Variants in TMEM18 observed in about 807,000 individuals in gnomAD.
The protein encoded by TMEM18 is transmembrane protein 18.
TMEM18 carries 14 observed loss-of-function variants against 17.4 expected under a neutral mutation model. That is an observed-to-expected ratio of 0.80 (90% CI 0.53 to 1.25). TMEM18 has a LOEUF of 1.25. Ranked by LOEUF, TMEM18 falls within the 50% of genes most tolerant of loss-of-function variation. The probability of loss-of-function intolerance (pLI) is 0.00; values close to 1 mark genes in which losing one functional copy is unlikely to be tolerated. For synonymous variants in TMEM18, 86 were observed against 66.1 expected (o/e 1.30, Z -1.46); for missense variants, 187 against 172.1 (o/e 1.09, Z -0.48).
At chr2:676,700 C>T (rs1225703202) in intron 1 of TMEM18, 1 of 1,487,100 alleles carries the variant, frequency 6.7e-7, no homozygotes. Context: ...ACGAACCCGG[C>T]ACGGCGCACG....
chr2:676,752 C>T (rs1415784524), intron 1 of TMEM18: 5 of 1,044,754 alleles, frequency 4.8e-6, no homozygotes, highest in Admixed American at 2.4e-5. Context: ...CCACCCCACA[C>T]GATCAGGCTC....
At chr2:673,132 C>T (rs1452954271) in intron 2 of TMEM18, among the ~76,000 whole-genome samples, 1 of 152,180 alleles carries the variant, frequency 6.6e-6, no homozygotes, top group Non-Finnish European at 1.5e-5. Flanking sequence ...CTGCAGGAGC[C>T]GCCCGAGGCC....
In TMEM18 at chr2:666,029, C is replaced by T. The variant is rs1257653707; in HGVS notation, c.*3551G>A. Among the ~76,000 whole-genome samples the T allele has an allele frequency of 1.3e-5, 2 of 152,076 alleles. No individual in the cohort carries two copies. The highest frequency in any genetic ancestry group is 2.9e-5 in the Non-Finnish European group (2 of 68,008). On this transcript the variant is annotated 3_prime_UTR_variant, in exon 5 of 5. Coordinates refer to ENST00000281017, the MANE Select transcript of TMEM18 (RefSeq NM_152834.4). ...ACAACAGAACCCCGAGATGCAGATG[C>T]TCAGCTCACTGAGATGGAGCATCAA... is the stretch of plus-strand genomic sequence containing the variant.
Position 667,021 on chromosome 2 carries a change from T to TC in TMEM18, c.*2558_*2559insG, listed in dbSNP as rs1187596198. ...TGAATTCCACCCCCAGCCCTTTTTT[T>TC]TTTTTTTTAACATTTATTATTTTGT... On this transcript the variant is annotated 3_prime_UTR_variant, in exon 5 of 5. Transcript: ENST00000281017. Among the ~76,000 whole-genome samples, 2 of 151,618 alleles carry TC rather than the reference T, an allele frequency of 1.3e-5. No individual in the cohort carries two copies. Among genetic ancestry groups the TC allele is most frequent in the Admixed American group, 6.6e-5 (1 of 15,220 alleles).
intron 3 of TMEM18, among the ~76,000 whole-genome samples, chr2:672,470 G>A (rs1271453808): frequency 6.6e-6 from 1 of 152,188 alleles, no homozygotes; most frequent in Admixed American, 6.5e-5. Flanking sequence ...TGCAGTCCAA[G>A]GGGGAGGGCA....
chr2:677,078 G>A, intron 1 of TMEM18: 1 of 466,804 alleles, frequency 2.1e-6, no homozygotes, highest in Non-Finnish European at 3.6e-6. Flanking sequence ...CCTCCCACAG[G>A]GCCCAGGACC....
At chr2:675,712 C>A (rs1240529579) in intron 1 of TMEM18, 82 bp from the exon 2 acceptor site, 1 of 1,567,260 alleles carries the variant, frequency 6.4e-7, no homozygotes, top group Admixed American at 1.9e-5. Context: ...TCTCCCAGCG[C>A]AGGAGGCAGG....
intron 1 of TMEM18, chr2:676,033 G>A: frequency 4.6e-6 from 6 of 1,313,956 alleles, no homozygotes; most frequent in Non-Finnish European, 6.0e-6. Context: ...TAAGACGATT[G>A]CTCAAAGAGA....
At chr2:675,079 T>G (rs1012133111) in intron 2 of TMEM18, among the ~76,000 whole-genome samples, 3 of 152,264 alleles carry the variant, frequency 2.0e-5, no homozygotes, top group Admixed American at 6.5e-5. Flanking sequence ...CCCTAACTTC[T>G]CTAAGTTCTG....
rs972640881 is a variant in TMEM18, at chr2:666,574, C to T, written c.*3006G>A. 2.6e-5 allele frequency among the ~76,000 whole-genome samples: 4 copies of T among 152,180 alleles called. No homozygotes were observed. Among genetic ancestry groups the T allele is most frequent in the African/African-American group, 9.7e-5 (4 of 41,434 alleles). ...GCCACCAACGCATGGCACCCACAGC[C>T]TGCGTGGGCCTCGCCGCCCCATCCT... On this transcript the variant is annotated 3_prime_UTR_variant, in exon 5 of 5. Coordinates refer to ENST00000281017, the MANE Select transcript of TMEM18 (RefSeq NM_152834.4).
intron 1 of TMEM18, chr2:676,912 T>C (rs1247019734): frequency 7.8e-6 from 4 of 513,112 alleles, no homozygotes; most frequent in South Asian, 5.5e-5. Context: ...GCCCGCACGG[T>C]GCAGGACGCC....
Position 669,595 on chromosome 2 carries a change from TCTC to T in TMEM18, c.405_407del (p.Arg137del). 1 of 1,614,210 alleles carries T rather than the reference TCTC, an allele frequency of 6.2e-7. No homozygotes were observed. Among genetic ancestry groups the T allele is most frequent in the Non-Finnish European group, 8.5e-7 (1 of 1,180,028 alleles). ...CTGCTGCCCCTCAGTCTTCTTTCCT[TCTC>T]CTTTTCTTTTCCTTTCTTCTCTCTT... On this transcript the variant is annotated inframe_deletion, in exon 5 of 5. Transcript: ENST00000281017.
chr2:673,142 C>T (rs556559266), intron 2 of TMEM18, among the ~76,000 whole-genome samples: 9 of 152,284 alleles, frequency 5.9e-5, no homozygotes, highest in Admixed American at 2.6e-4. Flanking sequence ...CGCCCGAGGC[C>T]CCAGGCTTCA....
At position 665,068 on chromosome 2, in the gene TMEM18, A is replaced by C. The variant is rs1678643962; in HGVS notation, c.*4512T>G. 6.6e-6 allele frequency among the ~76,000 whole-genome samples: 1 copy of C among 152,246 alleles called. No homozygotes were observed. The highest frequency in any genetic ancestry group is 2.4e-5 in the African/African-American group (1 of 41,456). Reference sequence around the variant, plus strand: ...ATCCAATGTTATATAAGAAATAACCAAACATGGGTAAGGCAGAGGAAAGAC... The same window carrying C: ...ATCCAATGTTATATAAGAAATAACCCAACATGGGTAAGGCAGAGGAAAGAC... On this transcript the variant is annotated 3_prime_UTR_variant, in exon 5 of 5. Transcript: ENST00000281017.
At chr2:675,676 C>T (rs930457975) in intron 1 of TMEM18, 46 bp from the exon 2 acceptor site, 2 of 1,606,484 alleles carry the variant, frequency 1.2e-6, no homozygotes, top group South Asian at 1.1e-5. Flanking sequence ...CCACTCAAGG[C>T]CGGGTTCACG....
In TMEM18 at chr2:677,329, G is replaced by A; in HGVS notation, c.17C>T (p.Ser6Phe). MPSAF[S>F]VSSFPVSIPA... ...GATGCTGACGGGGAAAGAGCTGACA[G>A]AGAAGGCGGACGGCATGGTGTTGGG... The change falls in exon 1 of 5, where the codon TCT becomes TTT. Residue 6 changes from serine to phenylalanine, a missense_variant. By Grantham distance (155) the Ser-to-Phe change is radical. Coordinates refer to ENST00000281017, the MANE Select transcript of TMEM18 (RefSeq NM_152834.4). 1 of 1,612,490 alleles carries A rather than the reference G, an allele frequency of 6.2e-7. No homozygotes were observed. The highest frequency in any genetic ancestry group is 1.3e-5 in the African/African-American group (1 of 75,078).
intron 1 of TMEM18, chr2:675,988 T>C (rs1572414260): frequency 7.6e-7 from 1 of 1,308,686 alleles, no homozygotes; most frequent in South Asian, 1.3e-5. Flanking sequence ...TTTACGATGA[T>C]AATTGGTTAT....
intron 2 of TMEM18, among the ~76,000 whole-genome samples, chr2:674,657 T>G (rs920167870): frequency 2.6e-5 from 4 of 152,218 alleles, no homozygotes; most frequent in Admixed American, 2.6e-4. Context: ...TCATCACTTC[T>G]CCAGTCTTTC....
rs1363547962 is a variant in TMEM18, at chr2:669,049, ACC to A, written c.*529_*530del. ...CCAGGCACACAGGATTTTATGCATC[ACC>A]CCGGGCTCCACAGGAGAAGCCAGGA... is the stretch of plus-strand genomic sequence containing the variant. On this transcript the variant is annotated 3_prime_UTR_variant, in exon 5 of 5. Coordinates refer to ENST00000281017, the MANE Select transcript of TMEM18 (RefSeq NM_152834.4). The A allele has an allele frequency of 6.5e-6, 1 of 153,018 alleles. No homozygotes were observed. The highest frequency in any genetic ancestry group is 1.5e-5 in the Non-Finnish European group (1 of 68,744). The allele number at this position is 153,018 out of a possible 1,614,324, so 9.5% of individuals were successfully genotyped here. A position where few individuals can be genotyped will look rare whatever the true frequency, so the allele number is the denominator to read the frequency against.
Sources: gnomAD v4.1 joint callset for allele counts (sites outside exome capture counted in the v4.1 genomes callset) on GRCh38, gnomAD v4.1.1 for gene constraint, MANE v1.5 for transcripts, NCBI Gene and HGNC (gene_info 2026-07-23, HGNC 2026-07-21) for gene names.